The following GNAQ variants were observed in gnomAD, a reference collection of about 807,000 sequenced individuals.
GNAQ encodes the protein guanine nucleotide-binding protein G(q) subunit alpha.
In GNAQ, 8 loss-of-function variants were observed where a neutral mutation model predicts 43.9. The ratio of observed to expected loss-of-function variants is 0.18; its 90% CI spans 0.11 to 0.33. The LOEUF (loss-of-function observed/expected upper bound fraction) is 0.33, where lower values mean the gene tolerates loss of function less well. Ranked by LOEUF, GNAQ falls within the 10% of genes least tolerant of loss-of-function variation. The pLI is 1.00. For synonymous variants in GNAQ, 155 were observed against 170.7 expected, an observed-to-expected ratio of 0.91 and a Z score of 0.71; for missense variants, 158 against 450.8, an observed-to-expected ratio of 0.35 and a Z score of 5.88.
chr9:77,928,423 T>C (rs1829099458), intron 1 of GNAQ, among the ~76,000 whole-genome samples: 1 of 152,202 alleles, frequency 6.6e-6, no homozygotes, highest in Non-Finnish European at 1.5e-5. Context: ...ACTGGACATG[T>C]AATTTAGTGG....
intron 2 of GNAQ, among the ~76,000 whole-genome samples, chr9:77,861,945 C>T (rs868479819): frequency 9.5e-5 from 13 of 136,918 alleles, no homozygotes; most frequent in East Asian, 2.3e-4. Flanking sequence ...GCGGAGGTTG[C>T]GGTGAGCTGA....
At chr9:77,851,324 T>C (rs576971449) in intron 2 of GNAQ, among the ~76,000 whole-genome samples, 8 of 152,272 alleles carry the variant, frequency 5.3e-5, no homozygotes, top group South Asian at 4.1e-4. Context: ...AGGATGCCTA[T>C]TGTGTAGGAC....
In GNAQ at chr9:77,889,410, C is replaced by CAAAAAAAAAAAAAAAAAAAAAA. The variant is rs58496646; in HGVS notation, c.321+32729_321+32750dup. On this transcript the variant is annotated intron_variant, in intron 2 of 6. Coordinates refer to ENST00000286548, the MANE Select transcript of GNAQ (RefSeq NM_002072.5). ...TGGGCGACAAAGCCAGACCCTGTCT[C>CAAAAAAAAAAAAAAAAAAAAAA]AAAAAAAAAAAAAAAAAAAAAAAAA... Among the ~76,000 whole-genome samples, 5 of 48,064 alleles carry CAAAAAAAAAAAAAAAAAAAAAA rather than the reference C, an allele frequency of 1.0e-4. 1 individual carries two copies. The highest frequency in any genetic ancestry group is 1.4e-4 in the Non-Finnish European group (4 of 28,814). 31.5% of individuals were successfully genotyped at this position (48,064 alleles called of 152,430 possible).
At position 78,013,090 on chromosome 9, in the gene GNAQ, C is replaced by G. The variant is rs558761572; in HGVS notation, c.136+18010G>C. On this transcript the variant is annotated intron_variant, in intron 1 of 6. Transcript: ENST00000286548. ...AGGTGAATTGCTAGGAATCCGTAAT[C>G]AGGAGGAAGAACAGAATAAAGGAAA... Among the ~76,000 whole-genome samples, 3 of 152,244 alleles carry G rather than the reference C, an allele frequency of 2.0e-5. No individual in the cohort carries two copies. The East Asian group carries it at 5.8e-4, about 29-fold the overall frequency.
In GNAQ at chr9:77,720,393, AG is replaced by A. The variant is rs1377851835; in HGVS notation, c.*929del. ...ACACCAAGAAAAAAAAGAAAGGAAA[AG>A]CTTGAACAACAACAACAAAAAAATT... On this transcript the variant is annotated 3_prime_UTR_variant, in exon 7 of 7. Transcript: ENST00000286548. The A allele has an allele frequency of 4.3e-6, 1 of 233,488 alleles. No homozygotes were observed. Among genetic ancestry groups the A allele is most frequent in the Non-Finnish European group, 8.5e-6 (1 of 117,992 alleles). 14.5% of individuals were successfully genotyped at this position (233,488 alleles called of 1,614,324 possible).
At chr9:77,761,857 T>G (rs1162875268) in intron 5 of GNAQ, among the ~76,000 whole-genome samples, 2 of 23,462 alleles carry the variant, frequency 8.5e-5, no homozygotes, top group African/African-American at 1.4e-4. Flanking sequence ...GTGGGGGGGG[T>G]CAGCCCCCCG....
rs77381479 is a variant in GNAQ, at chr9:77,963,328, G to A, written c.137-40983C>T. Among the ~76,000 whole-genome samples, 31 of 152,208 alleles carry A rather than the reference G, an allele frequency of 2.0e-4. No homozygotes were observed. In the South Asian group the frequency reaches 6.2e-3, roughly 31 times the overall value. ...CTGACAATTAACAGTAGAAACAGTC[G>A]ACACCACAGAAATCTCAATTGGTTC... On this transcript the variant is annotated intron_variant, in intron 1 of 6. Transcript: ENST00000286548.
chr9:77,909,006 C>T (rs1373121390), intron 2 of GNAQ, among the ~76,000 whole-genome samples: 1 of 152,182 alleles, frequency 6.6e-6, no homozygotes, highest in East Asian at 1.9e-4. Context: ...ATATGTGGCA[C>T]TTCTGTGCAT....
intron 1 of GNAQ, among the ~76,000 whole-genome samples, chr9:77,988,189 GA>G (rs1823465530): frequency 6.6e-6 from 1 of 152,246 alleles, no homozygotes; most frequent in South Asian, 2.1e-4. Flanking sequence ...AACAGTAAGA[GA>G]AAGTACAAGG....
intron 5 of GNAQ, among the ~76,000 whole-genome samples, chr9:77,784,332 A>C (rs1442841307): frequency 6.6e-6 from 1 of 152,194 alleles, no homozygotes; most frequent in Non-Finnish European, 1.5e-5. Flanking sequence ...CTTAAAATAA[A>C]AGTTTAATAT....
At chr9:77,744,675 A>T (rs1010815169) in intron 5 of GNAQ, among the ~76,000 whole-genome samples, 5 of 152,214 alleles carry the variant, frequency 3.3e-5, no homozygotes, top group African/African-American at 1.2e-4. Context: ...ATCAAGGATA[A>T]TTAGGTAATA....
At chr9:77,931,175 C>T (rs927205772) in intron 1 of GNAQ, among the ~76,000 whole-genome samples, 3 of 148,110 alleles carry the variant, frequency 2.0e-5, no homozygotes, top group South Asian at 2.2e-4. Context: ...TGTAGGACAG[C>T]GGTCCCTGTC....
intron 2 of GNAQ, among the ~76,000 whole-genome samples, chr9:77,920,539 C>T (rs1828981015): frequency 6.6e-6 from 1 of 152,082 alleles, no homozygotes; most frequent in African/African-American, 2.4e-5. Context: ...ATTACAACTA[C>T]AAGGAAACAA....
chr9:77,980,721 G>A (rs976592110), intron 1 of GNAQ, among the ~76,000 whole-genome samples: 2 of 151,676 alleles, frequency 1.3e-5, no homozygotes, highest in African/African-American at 4.8e-5. Flanking sequence ...AAAAAAGAAA[G>A]GCTTTGTATG....
intron 2 of GNAQ, among the ~76,000 whole-genome samples, chr9:77,861,888 C>A (rs942216398): frequency 6.6e-6 from 1 of 151,942 alleles, no homozygotes; most frequent in African/African-American, 2.4e-5. Flanking sequence ...ACCTGTAATC[C>A]CAGCTACTCA....
chr9:77,778,988 C>T (rs1826347073), intron 5 of GNAQ, among the ~76,000 whole-genome samples: 1 of 151,962 alleles, frequency 6.6e-6, no homozygotes, highest in Non-Finnish European at 1.5e-5. Context: ...ACTTCAACAT[C>T]CATCTATCAG....
intron 5 of GNAQ, among the ~76,000 whole-genome samples, chr9:77,749,668 C>CAAACT (rs1352603303): frequency 3.3e-5 from 5 of 152,124 alleles, no homozygotes; most frequent in African/African-American, 9.7e-5. Flanking sequence ...ATAATGTTTT[C>CAAACT]AAACTAATGA....
chr9:77,731,770 G>A (rs1475480798), intron 5 of GNAQ, among the ~76,000 whole-genome samples: 2 of 152,170 alleles, frequency 1.3e-5, no homozygotes, highest in Admixed American at 6.5e-5. Flanking sequence ...GAGCTGGAAG[G>A]TACAGAAAGC....
At chr9:77,763,147 A>G (rs1035202435) in intron 5 of GNAQ, among the ~76,000 whole-genome samples, 5 of 144,908 alleles carry the variant, frequency 3.5e-5, no homozygotes, top group Non-Finnish European at 7.5e-5. Flanking sequence ...CAAACAAAAA[A>G]AAAAAAAACA....
Sources: gnomAD v4.1 joint callset for allele counts (sites outside exome capture counted in the v4.1 genomes callset) on GRCh38, gnomAD v4.1.1 for gene constraint, MANE v1.5 for transcripts, NCBI Gene and HGNC (gene_info 2026-07-23, HGNC 2026-07-21) for gene names.